HACE1: variants seen among roughly 807,000 people sequenced by gnomAD.
HACE1 encodes E3 ubiquitin-protein ligase HACE1.
Under a neutral mutation model 118.4 loss-of-function variants are expected in HACE1, and 73 were observed. The observed-to-expected ratio is 0.62, with a 90% CI of 0.51 to 0.75. The LOEUF (loss-of-function observed/expected upper bound fraction) is 0.75. HACE1 is among the 30% of genes least tolerant of loss of function. The probability of loss-of-function intolerance (pLI) is 0.00; values close to 1 mark genes in which losing one functional copy is unlikely to be tolerated. For missense variants in HACE1, 749 were observed against 1,102.2 expected, an observed-to-expected ratio of 0.68 and a Z score of 4.54; for synonymous variants, 368 against 374.8, an observed-to-expected ratio of 0.98 and a Z score of 0.21.
At chr6:104,824,954 G>A in intron 6 of HACE1, 1 of 151,674 alleles carries the variant, frequency 6.6e-6, no homozygotes, top group Non-Finnish European at 1.5e-5. Context: ...GTGGTGGCGG[G>A]CGCCTGTAGT....
intron 4 of HACE1, among the ~76,000 whole-genome samples, chr6:104,843,850 A>G (rs954135940): frequency 6.6e-6 from 1 of 151,956 alleles, no homozygotes; most frequent in Non-Finnish European, 1.5e-5. Context: ...GGTAAAATAC[A>G]TATAAAATTT....
chr6:104,789,233 C>G (rs1021248629), intron 11 of HACE1, among the ~76,000 whole-genome samples: 5 of 151,980 alleles, frequency 3.3e-5, no homozygotes, highest in African/African-American at 1.2e-4. Context: ...ATTCATAAAA[C>G]TGAATGAAAA....
At chr6:104,795,929 A>G (rs577525195) in intron 9 of HACE1, among the ~76,000 whole-genome samples, 2 of 152,302 alleles carry the variant, frequency 1.3e-5, no homozygotes, top group South Asian at 2.1e-4. Flanking sequence ...CACCAAGTAT[A>G]GTTTTGGAAA....
chr6:104,845,594 C>A (rs1469942555), intron 4 of HACE1, among the ~76,000 whole-genome samples: 1 of 151,438 alleles, frequency 6.6e-6, no homozygotes, highest in Non-Finnish European at 1.5e-5. Context: ...TCTCCTGCCT[C>A]AGCCTCCTGA....
Position 104,811,365 on chromosome 6 carries a change from G to T in HACE1, c.563C>A (p.Ala188Asp). Residue 188 changes from alanine to aspartate, a missense_variant, in exon 7 of 24, where the codon GCT becomes GAT. Coordinates refer to ENST00000262903, the MANE Select transcript of HACE1 (RefSeq NM_020771.4). ...TTVQCLLDSG[A>D]DINRPNVSGA... is the part of the protein sequence containing the mutation. Reference sequence around the variant, plus strand: ...TGATACATTTGGCCTGTTAATATCAGCACCACTGTCTAGCAAGCACTGCAC... The same window carrying T: ...TGATACATTTGGCCTGTTAATATCATCACCACTGTCTAGCAAGCACTGCAC... 1 of 1,540,704 alleles carries T rather than the reference G, an allele frequency of 6.5e-7. No individual in the cohort carries two copies. Among genetic ancestry groups the T allele is most frequent in the Non-Finnish European group, 9.0e-7 (1 of 1,115,544 alleles).
intron 1 of HACE1, 38 bp downstream of exon 1, chr6:104,859,529 C>CAGCCCCGCGGCCAGCCT (rs1352909877): frequency 1.4e-6 from 2 of 1,462,482 alleles, no homozygotes; most frequent in Admixed American, 2.2e-5. Flanking sequence ...TGGCCGCCCC[C>CAGCCCCGCGGCCAGCCT]AGCCCCGCGG....
At position 104,811,397 on chromosome 6, in the gene HACE1, A is replaced by G; in HGVS notation, c.535-4T>C. 1 of 1,393,748 alleles carries G rather than the reference A, an allele frequency of 7.2e-7. No homozygotes were observed. Among genetic ancestry groups the G allele is most frequent in the Non-Finnish European group, 1.0e-6 (1 of 980,746 alleles). The allele number at this position is 1,393,748 out of a possible 1,614,324, so 86.3% of individuals were successfully genotyped here. On this transcript the variant is annotated splice_polypyrimidine_tract_variant and splice_region_variant and intron_variant, in intron 6 of 23. Transcript: ENST00000262903. ...TGTCTAGCAAGCACTGCACTGTCTG[A>G]GGGGGAAAAAATAATTAAAAGTAAA...
intron 7 of HACE1, among the ~76,000 whole-genome samples, chr6:104,810,034 T>C (rs1383963972): frequency 6.6e-6 from 1 of 152,092 alleles, no homozygotes; most frequent in Non-Finnish European, 1.5e-5. Flanking sequence ...TCTGTGGTAC[T>C]TCTAAGTGAT....
At chr6:104,767,117 T>C (rs1780104435) in intron 19 of HACE1, among the ~76,000 whole-genome samples, 1 of 152,174 alleles carries the variant, frequency 6.6e-6, no homozygotes, top group African/African-American at 2.4e-5. Flanking sequence ...CTCAAGAGGC[T>C]GTTACAGGAA....
At chr6:104,738,110 G>C (rs377386053) in intron 22 of HACE1, among the ~76,000 whole-genome samples, 10 of 151,504 alleles carry the variant, frequency 6.6e-5, no homozygotes, top group Non-Finnish European at 1.0e-4. Flanking sequence ...TGAGGGTCCT[G>C]TCTGTTAGAA....
intron 6 of HACE1, among the ~76,000 whole-genome samples, chr6:104,830,787 G>T (rs1773786264): frequency 6.8e-6 from 1 of 146,012 alleles, no homozygotes; most frequent in Non-Finnish European, 1.5e-5. Flanking sequence ...AAGAGACGAG[G>T]TGCAGTGGTA....
chr6:104,780,579 T>C (rs911387867), intron 14 of HACE1: 2 of 194,766 alleles, frequency 1.0e-5, no homozygotes, highest in Admixed American at 1.2e-4. Flanking sequence ...GAGTACAAAG[T>C]ATTTTTTTTT....
chr6:104,810,789 T>C (rs1771515993), intron 7 of HACE1, among the ~76,000 whole-genome samples: 1 of 152,006 alleles, frequency 6.6e-6, no homozygotes, highest in Non-Finnish European at 1.5e-5. Context: ...CAAAAATAAC[T>C]TAATGTATAA....
intron 5 of HACE1, among the ~76,000 whole-genome samples, chr6:104,837,433 T>C (rs9499986): frequency 0.038 from 5,817 of 152,164 alleles, 362 homozygotes; most frequent in African/African-American, 0.14. Context: ...TGGACATTCA[T>C]AGGCAGAAAA....
intron 5 of HACE1, among the ~76,000 whole-genome samples, chr6:104,836,511 A>C (rs1381191345): frequency 2.0e-5 from 3 of 151,978 alleles, no homozygotes; most frequent in Admixed American, 2.0e-4. Context: ...TCAGGAGTTC[A>C]AGACCAGCCT....
Position 104,852,377 on chromosome 6 carries a change from T to TA in HACE1, c.77-7dup, listed in dbSNP as rs748659354. On this transcript the variant is annotated splice_polypyrimidine_tract_variant and splice_region_variant and intron_variant, in intron 1 of 23. Coordinates refer to ENST00000262903, the MANE Select transcript of HACE1 (RefSeq NM_020771.4). ...ATAAACAGCAGTTTCATTATCTGAGTAAAAAAAAACAAAGAGTTCATTTAT... is the reference window on the plus strand; with the variant it reads ...ATAAACAGCAGTTTCATTATCTGAGTAAAAAAAAAACAAAGAGTTCATTTAT... 2.8e-3 allele frequency: 3,942 copies of TA among 1,385,348 alleles called. 3 individuals are homozygous for TA. The highest frequency in any genetic ancestry group is 3.3e-3 in the Non-Finnish European group (3,306 of 1,008,704). 85.8% of individuals were successfully genotyped at this position (1,385,348 alleles called of 1,614,324 possible). A position where few individuals can be genotyped will look rare whatever the true frequency, so the allele number is the denominator to read the frequency against.
At chr6:104,737,788 C>A (rs964834700) in intron 22 of HACE1, among the ~76,000 whole-genome samples, 8 of 152,336 alleles carry the variant, frequency 5.3e-5, no homozygotes, top group Admixed American at 6.5e-5. Flanking sequence ...ATTAGGTAAA[C>A]AAAGCAGCGG....
At position 104,813,341 on chromosome 6, in the gene HACE1, T is replaced by A. The variant is rs1390972222; in HGVS notation, c.535-1948A>T. Among the ~76,000 whole-genome samples the A allele has an allele frequency of 1.5e-5, 2 of 137,374 alleles. 1 individual carries two copies. The highest frequency in any genetic ancestry group is 5.8e-5 in the African/African-American group (2 of 34,286). The allele number at this position is 137,374 out of a possible 152,430, so 90.1% of individuals were successfully genotyped here. A position where few individuals can be genotyped will look rare whatever the true frequency, so the allele number is the denominator to read the frequency against. On this transcript the variant is annotated intron_variant, in intron 6 of 23. Transcript: ENST00000262903. ...CATTTCCACAACAAAATTTTAAAAT[T>A]AGCCATGCATGGTGCTGCATGCAAG...
chr6:104,731,257 G>T (rs1438145264), intron 22 of HACE1: 1 of 151,726 alleles, frequency 6.6e-6, no homozygotes, highest in Non-Finnish European at 1.5e-5. Context: ...GGATAAATTA[G>T]AAAAATGACA....
Sources: gnomAD v4.1 joint callset for allele counts (sites outside exome capture counted in the v4.1 genomes callset) on GRCh38, gnomAD v4.1.1 for gene constraint, MANE v1.5 for transcripts, NCBI Gene and HGNC (gene_info 2026-07-23, HGNC 2026-07-21) for gene names.